The following HSD17B4 variants were observed in gnomAD, a reference collection of about 807,000 sequenced individuals.
HSD17B4 encodes the protein peroxisomal multifunctional enzyme type 2.
Under a neutral mutation model 101.0 loss-of-function variants are expected in HSD17B4, and 70 were observed. The observed-to-expected ratio is 0.69, with a 90% confidence interval of 0.57 to 0.85. HSD17B4 has a LOEUF of 0.85. Ranked by LOEUF, HSD17B4 falls within the 40% of genes least tolerant of loss-of-function variation. The pLI, the probability that HSD17B4 is intolerant of heterozygous loss-of-function variation, is 0.00. For synonymous variants in HSD17B4, 347 were observed against 297.1 expected, an observed-to-expected ratio of 1.17 and a Z score of -1.73; for missense variants, 984 against 892.4, an observed-to-expected ratio of 1.10 and a Z score of -1.31.
At chr5:119,467,577 A>G (rs1051256788) in intron 2 of HSD17B4, among the ~76,000 whole-genome samples, 2 of 152,218 alleles carry the variant, frequency 1.3e-5, no homozygotes, top group African/African-American at 4.8e-5. Context: ...TTTTTGACTT[A>G]AAGTCTATTA....
chr5:119,465,828 C>G (rs1466965688), intron 2 of HSD17B4, among the ~76,000 whole-genome samples: 1 of 152,064 alleles, frequency 6.6e-6, no homozygotes, highest in African/African-American at 2.4e-5. Context: ...TTTCTCTTGC[C>G]TAATTGTCCT....
At chr5:119,467,745 G>A (rs184883059) in intron 2 of HSD17B4, among the ~76,000 whole-genome samples, 3 of 152,276 alleles carry the variant, frequency 2.0e-5, no homozygotes, top group East Asian at 1.9e-4. Flanking sequence ...TTTTGTATAC[G>A]TGGGTTTCAC....
intron 1 of HSD17B4, 111 bp downstream of exon 1, chr5:119,452,744 G>A: frequency 6.3e-7 from 1 of 1,594,958 alleles, no homozygotes; most frequent in South Asian, 1.1e-5. Flanking sequence ...CTGAGGTGGT[G>A]GGGAGGGGAA....
At position 119,489,301 on chromosome 5, in the gene HSD17B4, T is replaced by C; in HGVS notation, c.714+18T>C. ...TGTTTGAGGTATTTGCACCTTCCTG[T>C]TTTCTCTTATTAGTTTTCTCCAGTT... On this transcript the variant is annotated intron_variant, in intron 9 of 23. Coordinates refer to ENST00000510025, the MANE Select transcript of HSD17B4 (RefSeq NM_000414.4). 1 of 1,517,092 alleles carries C rather than the reference T, an allele frequency of 6.6e-7. No homozygotes were observed. The highest frequency in any genetic ancestry group is 9.2e-7 in the Non-Finnish European group (1 of 1,091,942). The allele number at this position is 1,517,092 out of a possible 1,614,324, so 94.0% of individuals were successfully genotyped here. A position where few individuals can be genotyped will look rare whatever the true frequency, so the allele number is the denominator to read the frequency against.
intron 9 of HSD17B4, among the ~76,000 whole-genome samples, chr5:119,489,953 C>A (rs1179396494): frequency 6.6e-6 from 1 of 151,846 alleles, no homozygotes; most frequent in African/African-American, 2.4e-5. Flanking sequence ...CCTTTTAAAG[C>A]CAATTTATAT....
At chr5:119,459,582 T>A (rs563750784) in intron 2 of HSD17B4, among the ~76,000 whole-genome samples, 11 of 152,300 alleles carry the variant, frequency 7.2e-5, no homozygotes, top group Admixed American at 2.0e-4. Context: ...AATTTATTTC[T>A]TATAGTTATG....
intron 1 of HSD17B4, chr5:119,452,933 C>A: frequency 8.3e-7 from 1 of 1,206,368 alleles, no homozygotes; most frequent in African/African-American, 1.5e-5. Context: ...TCTCCCTGAC[C>A]CTTATCTGTG....
At chr5:119,523,387 A>C (rs1040704568) in intron 17 of HSD17B4, among the ~76,000 whole-genome samples, 5 of 152,122 alleles carry the variant, frequency 3.3e-5, no homozygotes, top group African/African-American at 1.2e-4. Context: ...GAAACAAGAA[A>C]CTTTTAGCTT....
chr5:119,460,975 G>A (rs2126631682), intron 2 of HSD17B4, among the ~76,000 whole-genome samples: 1 of 152,266 alleles, frequency 6.6e-6, no homozygotes, highest in Middle Eastern at 3.4e-3. Context: ...TAGGAAGGGA[G>A]CCAGTGTGGT....
intron 23 of HSD17B4, 47 bp from the exon 24 acceptor site, chr5:119,541,858 T>A: frequency 6.5e-6 from 7 of 1,076,260 alleles, no homozygotes; most frequent in Non-Finnish European, 8.6e-6. Flanking sequence ...AGAAATAAAC[T>A]ATAACATGGT....
At chr5:119,503,343 G>A (rs1278100639) in intron 14 of HSD17B4, among the ~76,000 whole-genome samples, 1 of 152,124 alleles carries the variant, frequency 6.6e-6, no homozygotes, top group African/African-American at 2.4e-5. Flanking sequence ...ATGTGAATAG[G>A]AAGGTGTAGA....
intron 2 of HSD17B4, among the ~76,000 whole-genome samples, chr5:119,466,099 T>G (rs1367178551): frequency 6.6e-6 from 1 of 152,260 alleles, no homozygotes; most frequent in Non-Finnish European, 1.5e-5. Context: ...TCCTTTGTTT[T>G]GTTGATGTGA....
intron 3 of HSD17B4, among the ~76,000 whole-genome samples, 166 bp from the exon 4 acceptor site, chr5:119,474,235 T>C (rs1480752385): frequency 1.3e-5 from 2 of 152,232 alleles, no homozygotes; most frequent in Non-Finnish European, 2.9e-5. Flanking sequence ...TTTACTATTT[T>C]TATTAGTGAG....
rs769574620 is a variant in HSD17B4, at chr5:119,525,876, A to G, written c.1574-41A>G. On this transcript the variant is annotated intron_variant, in intron 18 of 23. Coordinates refer to ENST00000510025, the MANE Select transcript of HSD17B4 (RefSeq NM_000414.4). ...TAACTACACTTGATTTTTAAACTTT[A>G]AAGGTACCTGTATCTAACTCAGTGT... 17 of 1,145,488 alleles carry G rather than the reference A, an allele frequency of 1.5e-5. No individual in the cohort carries two copies. The South Asian group carries it at 2.0e-4, about 13-fold the overall frequency. The allele number at this position is 1,145,488 out of a possible 1,614,324, so 71.0% of individuals were successfully genotyped here. A position where few individuals can be genotyped will look rare whatever the true frequency, so the allele number is the denominator to read the frequency against.
At chr5:119,526,426 G>A (rs1287402973) in intron 19 of HSD17B4, among the ~76,000 whole-genome samples, 2 of 151,720 alleles carry the variant, frequency 1.3e-5, no homozygotes, top group African/African-American at 4.8e-5. Context: ...TATAATGACT[G>A]CATATTGTTT....
rs1211686069 is a variant in HSD17B4, at chr5:119,502,051, G to A, written c.1220G>A (p.Gly407Glu). The change falls in exon 14 of 24, where the codon GGA becomes GAA. Residue 407 changes from glycine to glutamate, a missense_variant. Coordinates refer to ENST00000510025, the MANE Select transcript of HSD17B4 (RefSeq NM_000414.4). ...TTTACCCTAACATAGGTTCTTCATG[G>A]AGAGCAGTACTTAGAGTTATATAAA... is the stretch of plus-strand genomic sequence containing the variant. ...LSINFAKVLH[G>E]EQYLELYKPL... 6.2e-7 allele frequency: 1 copy of A among 1,604,734 alleles called. No homozygotes were observed. Among genetic ancestry groups the A allele is most frequent in the East Asian group, 2.2e-5 (1 of 44,794 alleles).
intron 22 of HSD17B4, among the ~76,000 whole-genome samples, chr5:119,535,197 C>T (rs1448633110): frequency 1.3e-5 from 2 of 152,004 alleles, no homozygotes; most frequent in East Asian, 3.9e-4. Context: ...AGAACAAAGA[C>T]ATTCTCTTAT....
At chr5:119,519,011 C>T (rs563262339) in intron 17 of HSD17B4, among the ~76,000 whole-genome samples, 39 of 152,218 alleles carry the variant, frequency 2.6e-4, no homozygotes, top group Non-Finnish European at 4.0e-4. Context: ...TGGTGGCATA[C>T]GCCTATTGTC....
At chr5:119,484,622 A>G (rs1462748002) in intron 8 of HSD17B4, among the ~76,000 whole-genome samples, 1 of 152,186 alleles carries the variant, frequency 6.6e-6, no homozygotes, top group Non-Finnish European at 1.5e-5. Flanking sequence ...TTCTGTGAAA[A>G]GGTACAAAAT....
Sources: allele counts gnomAD v4.1 joint callset (sites outside exome capture counted in the v4.1 genomes callset), GRCh38; gene constraint gnomAD v4.1.1; transcripts MANE v1.5; gene names NCBI Gene and HGNC (gene_info 2026-07-23, HGNC 2026-07-21).